SLCO2B1: variants seen among roughly 807,000 people sequenced by gnomAD.
The protein encoded by SLCO2B1 is OATP-RP2.
In SLCO2B1, 41 loss-of-function variants were observed where a neutral mutation model predicts 67.3. That is an observed-to-expected ratio of 0.61 (90% CI 0.47 to 0.79). The LOEUF is 0.79. SLCO2B1 is among the 30% of genes least tolerant of loss of function. The pLI is 0.00. For missense variants in SLCO2B1, 837 were observed against 920.1 expected, an observed-to-expected ratio of 0.91 and a Z score of 1.17; for synonymous variants, 379 against 381.4, an observed-to-expected ratio of 0.99 and a Z score of 0.07.
At chr11:75,202,847 C>T (rs1945203525) in intron 11 of SLCO2B1, 54 bp from the exon 12 acceptor site, 2 of 1,487,028 alleles carry the variant, frequency 1.3e-6, no homozygotes, top group Admixed American at 1.7e-5. Context: ...GATGCATGGC[C>T]CTTGGGGGCT....
At chr11:75,169,022 A>C (rs1949926141) in intron 4 of SLCO2B1, 151 bp from the exon 5 acceptor site, 1 of 596,464 alleles carries the variant, frequency 1.7e-6, no homozygotes, top group Non-Finnish European at 2.8e-6. Context: ...CTCACCTATG[A>C]AACAGGCATA....
In SLCO2B1 at chr11:75,193,093, G is replaced by A. The variant is rs543140737; in HGVS notation, c.1076-125G>A. 1.5e-6 allele frequency: 1 copy of A among 687,026 alleles called. No individual in the cohort carries two copies. Among genetic ancestry groups the A allele is most frequent in the African/African-American group, 1.8e-5 (1 of 56,300 alleles). The allele number at this position is 687,026 out of a possible 1,614,324, so 42.6% of individuals were successfully genotyped here. On this transcript the variant is annotated intron_variant, in intron 8 of 13. Coordinates refer to ENST00000289575, the MANE Select transcript of SLCO2B1 (RefSeq NM_007256.5). The surrounding 1 kb of genome is among the most constrained non-coding windows in gnomAD (Gnocchi z 4.2). Reference sequence around the variant, plus strand: ...AAGTGGGATAAAATTGATTGCAATAGAATTAAGTGGAATGGGGCGGGTTAG... The same window carrying A: ...AAGTGGGATAAAATTGATTGCAATAAAATTAAGTGGAATGGGGCGGGTTAG...
At chr11:75,189,617 A>G (rs1205575831) in intron 8 of SLCO2B1, among the ~76,000 whole-genome samples, 4 of 152,086 alleles carry the variant, frequency 2.6e-5, no homozygotes, top group Non-Finnish European at 4.4e-5. Flanking sequence ...TGCAACAGGA[A>G]GGAATTAGGC....
chr11:75,154,234 C>T (rs1949722149), intron 1 of SLCO2B1, among the ~76,000 whole-genome samples: 1 of 150,952 alleles, frequency 6.6e-6, no homozygotes, highest in Non-Finnish European at 1.5e-5. Flanking sequence ...ATGTGCAGCA[C>T]TTTTATGATG....
intron 11 of SLCO2B1, chr11:75,201,044 T>TG (rs59397846): frequency 2.0e-5 from 3 of 148,680 alleles, no homozygotes; most frequent in Non-Finnish European, 4.5e-5. Context: ...TTTTTTTTTT[T>TG]GAGATGCAGT....
intron 3 of SLCO2B1, 71 bp downstream of exon 3, chr11:75,164,171 C>T (rs552716904): frequency 4.7e-6 from 7 of 1,500,564 alleles, no homozygotes; most frequent in East Asian, 4.8e-5. Flanking sequence ...CCAGCCTCCC[C>T]TCTCACTACC....
rs1425679567 is a variant in SLCO2B1, at chr11:75,204,802, A to T, written c.*222A>T. Reference sequence around the variant, plus strand: ...TTGCTGTGTTGGCCATTTCTGGAGCAAGAGGGTCTTCTTCCTCCTTCCCCC... The same window carrying T: ...TTGCTGTGTTGGCCATTTCTGGAGCTAGAGGGTCTTCTTCCTCCTTCCCCC... On this transcript the variant is annotated 3_prime_UTR_variant, in exon 14 of 14. Coordinates refer to ENST00000289575, the MANE Select transcript of SLCO2B1 (RefSeq NM_007256.5). 1 of 376,896 alleles carries T rather than the reference A, an allele frequency of 2.7e-6. No individual in the cohort carries two copies. Among genetic ancestry groups the T allele is most frequent in the Non-Finnish European group, 4.7e-6 (1 of 212,740 alleles). The allele number at this position is 376,896 out of a possible 1,614,324, so 23.3% of individuals were successfully genotyped here. A position where few individuals can be genotyped will look rare whatever the true frequency, so the allele number is the denominator to read the frequency against.
At chr11:75,177,155 C>T (rs992211470) in intron 7 of SLCO2B1, among the ~76,000 whole-genome samples, 1 of 151,704 alleles carries the variant, frequency 6.6e-6, no homozygotes, top group Admixed American at 6.6e-5. Context: ...CCGAGCAGGG[C>T]TAAGGGCCTT....
chr11:75,183,300 A>G lies in SLCO2B1; in HGVS notation c.973-4836A>G, dbSNP rs534020575. ...TATTTTATGCCTACAGCACATCTCAATTTGGACTGGCCATATTTCAATTGC... is the reference window on the plus strand; with the variant it reads ...TATTTTATGCCTACAGCACATCTCAGTTTGGACTGGCCATATTTCAATTGC... On this transcript the variant is annotated intron_variant, in intron 7 of 13. Coordinates refer to ENST00000289575, the MANE Select transcript of SLCO2B1 (RefSeq NM_007256.5). Among the ~76,000 whole-genome samples, 195 of 152,310 alleles carry G rather than the reference A, an allele frequency of 1.3e-3. 1 individual carries two copies. Among genetic ancestry groups the G allele is most frequent in the South Asian group, 0.012 (58 of 4,828 alleles).
intron 10 of SLCO2B1, chr11:75,199,708 G>C (rs1945153460): frequency 6.5e-6 from 1 of 153,146 alleles, no homozygotes; most frequent in Non-Finnish European, 1.5e-5. Context: ...AGAAGCTCTG[G>C]TCTATGGGAA....
chr11:75,164,558 G>A (rs1333467588), intron 3 of SLCO2B1, among the ~76,000 whole-genome samples: 1 of 152,074 alleles, frequency 6.6e-6, no homozygotes, highest in African/African-American at 2.4e-5. Context: ...GGGATTCACA[G>A]GCCTGTGGGG....
intron 1 of SLCO2B1, among the ~76,000 whole-genome samples, chr11:75,160,151 A>G (rs1343767557): frequency 6.6e-6 from 1 of 152,190 alleles, no homozygotes; most frequent in Admixed American, 6.5e-5. Context: ...TCCCAGCCTC[A>G]GCTCCCGCTC....
chr11:75,197,235 A>G (rs1039475165), intron 10 of SLCO2B1, among the ~76,000 whole-genome samples: 9 of 152,258 alleles, frequency 5.9e-5, no homozygotes, highest in Non-Finnish European at 1.0e-4. Context: ...CAGGAATTCC[A>G]GAGGTGCTGA....
chr11:75,168,376 C>A (rs1362474042), intron 4 of SLCO2B1, among the ~76,000 whole-genome samples: 1 of 152,138 alleles, frequency 6.6e-6, no homozygotes, highest in Non-Finnish European at 1.5e-5. Context: ...TGGGTTGACA[C>A]AGCTCAGAGT....
intron 13 of SLCO2B1, 173 bp downstream of exon 13, chr11:75,203,600 C>G: frequency 2.7e-6 from 2 of 746,240 alleles, no homozygotes; most frequent in Non-Finnish European, 4.3e-6. Context: ...CTGCCCCCCT[C>G]CTTTTATAGA....
chr11:75,190,021 T>C (rs377455398), intron 8 of SLCO2B1, among the ~76,000 whole-genome samples: 33 of 151,842 alleles, frequency 2.2e-4, no homozygotes, highest in African/African-American at 8.0e-4. Flanking sequence ...CCCAGTTTTT[T>C]CAGCATTCCC....
At chr11:75,162,079 C>G (rs1434895222) in intron 1 of SLCO2B1, among the ~76,000 whole-genome samples, 16 of 152,132 alleles carry the variant, frequency 1.1e-4, no homozygotes, top group Admixed American at 1.0e-3. Context: ...TGGGGATTGG[C>G]TGGTTAGCTC....
chr11:75,178,677 G>A (rs1950055635), intron 7 of SLCO2B1, among the ~76,000 whole-genome samples: 1 of 152,088 alleles, frequency 6.6e-6, no homozygotes, highest in Non-Finnish European at 1.5e-5. Flanking sequence ...TTAGCAATTT[G>A]CAAGTGTGCA....
Position 75,203,388 on chromosome 11 carries a change from C to T in SLCO2B1, c.1910C>T (p.Ala637Val). Residue 637 changes from alanine (A) to valine (V), a missense_variant, in exon 13 of 14, where the codon GCT (alanine) becomes GTT (valine). Ala to Val is a moderately conservative substitution (Grantham distance 64, BLOSUM62 0). Transcript: ENST00000289575. ...VHWALSCGRR[A>V]VCRYYNNDLL... Reference sequence around the variant, plus strand: ...TGGGCCCTGAGCTGTGGGCGTCGAGCTGTCTGTCGCTACTACAATAATGAC... The same window carrying T: ...TGGGCCCTGAGCTGTGGGCGTCGAGTTGTCTGTCGCTACTACAATAATGAC... The T allele has an allele frequency of 6.2e-7, 1 of 1,614,156 alleles. No homozygotes were observed. Among genetic ancestry groups the T allele is most frequent in the Non-Finnish European group, 8.5e-7 (1 of 1,180,014 alleles).
Sources: gnomAD v4.1 joint callset for allele counts (sites outside exome capture counted in the v4.1 genomes callset) on GRCh38, gnomAD v4.1.1 for gene constraint, Gnocchi (gnomAD v3.1) non-coding constraint, MANE v1.5 for transcripts, NCBI Gene and HGNC (gene_info 2026-07-23, HGNC 2026-07-21) for gene names.